The following ZNF578 variants were observed in gnomAD, a reference collection of about 807,000 sequenced individuals.
ZNF578 encodes the protein Putative chemokine-related protein B42.
ZNF578 carries 8 observed loss-of-function variants against 8.3 expected under a neutral mutation model. That is an observed-to-expected ratio of 0.96 (90% CI 0.56 to 1.74). The LOEUF is 1.74. Among genes scored for constraint, ZNF578 ranks in the 40% most tolerant of loss-of-function variants. ZNF578 has a pLI of 0.00. For synonymous variants in ZNF578, 206 were observed against 232.2 expected (o/e 0.89, Z 1.03); for missense variants, 726 against 707.5 (o/e 1.03, Z -0.30).
chr19:52,478,524 TTTA>T (rs2059315156), intron 2 of ZNF578, among the ~76,000 whole-genome samples: 1 of 152,110 alleles, frequency 6.6e-6, no homozygotes, highest in Non-Finnish European at 1.5e-5. Context: ...TCTCCTGTTT[TTTA>T]TTTTCAACTG....
chr19:52,500,646 G>A (rs1191093742), intron 3 of ZNF578, among the ~76,000 whole-genome samples: 2 of 152,044 alleles, frequency 1.3e-5, no homozygotes, highest in African/African-American at 4.8e-5. Flanking sequence ...GCCTCCCACA[G>A]TGCTGGGATT....
intron 5 of ZNF578, among the ~76,000 whole-genome samples, chr19:52,509,138 G>A (rs536379591): frequency 2.0e-5 from 3 of 151,852 alleles, no homozygotes; most frequent in Admixed American, 1.3e-4. Flanking sequence ...TCCTGACCTC[G>A]TGCTCCACTT....
chr19:52,464,476 G>C (rs979273797), intron 2 of ZNF578, among the ~76,000 whole-genome samples: 2 of 152,078 alleles, frequency 1.3e-5, no homozygotes, highest in Non-Finnish European at 2.9e-5. Context: ...TTTCAAAAAG[G>C]TTTTTAAAGA....
At chr19:52,493,415 C>T (rs1232026081) in intron 3 of ZNF578, among the ~76,000 whole-genome samples, 1 of 152,140 alleles carries the variant, frequency 6.6e-6, no homozygotes, top group Non-Finnish European at 1.5e-5. Flanking sequence ...TCCTTTGACC[C>T]GGGATATTCT....
At chr19:52,463,077 CT>C (rs750616201) in intron 2 of ZNF578, among the ~76,000 whole-genome samples, 13 of 152,286 alleles carry the variant, frequency 8.5e-5, no homozygotes, top group Middle Eastern at 6.8e-3. Flanking sequence ...CTATCTCCCC[CT>C]ATCTCCTGTT....
chr19:52,496,929 G>A (rs905092836), intron 3 of ZNF578, among the ~76,000 whole-genome samples: 36 of 151,808 alleles, frequency 2.4e-4, no homozygotes, highest in Admixed American at 1.8e-3. Context: ...GAGCCGCCGC[G>A]CCCAGCCTTT....
intron 2 of ZNF578, among the ~76,000 whole-genome samples, chr19:52,489,080 C>CA (rs1460850081): frequency 1.3e-5 from 2 of 152,014 alleles, no homozygotes; most frequent in African/African-American, 2.4e-5. Flanking sequence ...GCCTGGGTGA[C>CA]AGAGTGAGAC....
intron 5 of ZNF578, 39 bp downstream of exon 5, chr19:52,504,820 T>C (rs2446082): frequency 0.017 from 27,406 of 1,598,670 alleles, 431 homozygotes; most frequent in Non-Finnish European, 0.019. Context: ...GAGTCTGCTC[T>C]TGTCTGTCTT....
chr19:52,495,874 G>A (rs574667046), intron 3 of ZNF578, among the ~76,000 whole-genome samples: 8 of 152,078 alleles, frequency 5.3e-5, no homozygotes, highest in African/African-American at 1.9e-4. Context: ...GCTGGGGTCG[G>A]GAGTGGGGGA....
At chr19:52,471,771 A>G (rs1342263355) in intron 2 of ZNF578, among the ~76,000 whole-genome samples, 1 of 152,234 alleles carries the variant, frequency 6.6e-6, no homozygotes, top group Non-Finnish European at 1.5e-5. Flanking sequence ...AACCTCAGGT[A>G]GACTTTAGAC....
chr19:52,453,647 C>T (rs1182564604), intron 1 of ZNF578, 40 bp downstream of exon 1: 1 of 152,326 alleles, frequency 6.6e-6, no homozygotes, highest in Admixed American at 6.5e-5. Flanking sequence ...GCTTCCAGCG[C>T]TTCTGTACCT....
intron 2 of ZNF578, among the ~76,000 whole-genome samples, chr19:52,467,199 C>T (rs926628903): frequency 1.9e-4 from 29 of 152,086 alleles, no homozygotes; most frequent in African/African-American, 6.3e-4. Flanking sequence ...TTAGTTGAGA[C>T]GGGGTTTTGC....
intron 2 of ZNF578, among the ~76,000 whole-genome samples, chr19:52,471,271 C>T (rs2122798191): frequency 6.6e-6 from 1 of 152,208 alleles, no homozygotes; most frequent in South Asian, 2.1e-4. Flanking sequence ...TGTTGGCTTC[C>T]CTGGTTCAGA....
intron 2 of ZNF578, among the ~76,000 whole-genome samples, chr19:52,486,757 C>G (rs1291162014): frequency 6.6e-6 from 1 of 151,390 alleles, no homozygotes; most frequent in Admixed American, 6.6e-5. Flanking sequence ...ACAGGGAGAA[C>G]AGAGGAGGCA....
intron 3 of ZNF578, among the ~76,000 whole-genome samples, chr19:52,496,928 C>T (rs2617798): frequency 0.011 from 1,687 of 151,874 alleles, 33 homozygotes; most frequent in African/African-American, 0.039. Flanking sequence ...TGAGCCGCCG[C>T]GCCCAGCCTT....
intron 2 of ZNF578, among the ~76,000 whole-genome samples, chr19:52,485,583 G>GA (rs2059342774): frequency 6.6e-6 from 1 of 152,186 alleles, no homozygotes; most frequent in Non-Finnish European, 1.5e-5. Context: ...TGTCTACGTA[G>GA]AAAGAAGTAG....
intron 3 of ZNF578, among the ~76,000 whole-genome samples, chr19:52,492,247 G>T (rs920356287): frequency 6.6e-6 from 1 of 151,298 alleles, no homozygotes; most frequent in Non-Finnish European, 1.5e-5. Context: ...TTGTCACCAG[G>T]CTGGTCTGGA....
intron 3 of ZNF578, among the ~76,000 whole-genome samples, chr19:52,493,429 C>G (rs1339704450): frequency 6.6e-6 from 1 of 152,194 alleles, no homozygotes; most frequent in African/African-American, 2.4e-5. Flanking sequence ...ATATTCTTGC[C>G]TGCCCAGTTC....
rs1399596779 is a variant in ZNF578, at chr19:52,515,498, G to A, written c.*3344G>A. On this transcript the variant is annotated 3_prime_UTR_variant, in exon 6 of 6. Transcript: ENST00000421239. ...AGGTTTCTCTAATTTTCAAGGATGGGGGTGATAAGAGCAACCTTTGCCATT... is the reference window on the plus strand; with the variant it reads ...AGGTTTCTCTAATTTTCAAGGATGGAGGTGATAAGAGCAACCTTTGCCATT... 6.6e-6 allele frequency among the ~76,000 whole-genome samples: 1 copy of A among 152,076 alleles called. No homozygotes were observed. Among genetic ancestry groups the A allele is most frequent in the East Asian group, 1.9e-4 (1 of 5,184 alleles).
Sources: allele counts gnomAD v4.1 joint callset (sites outside exome capture counted in the v4.1 genomes callset), GRCh38; gene constraint gnomAD v4.1.1; transcripts MANE v1.5; gene names NCBI Gene and HGNC (gene_info 2026-07-23, HGNC 2026-07-21).